Variants in SOX6 observed in about 807,000 individuals in gnomAD.
SOX6 encodes SRY-box transcription factor 6.
In SOX6, 11 loss-of-function variants were observed where a neutral mutation model predicts 97.8. The observed-to-expected ratio is 0.11, with a 90% CI of 0.07 to 0.19. The LOEUF (loss-of-function observed/expected upper bound fraction) is 0.19. Among genes scored for constraint, SOX6 ranks in the 10% least tolerant of loss-of-function variants. The pLI, the probability that SOX6 is intolerant of heterozygous loss-of-function variation, is 1.00. For missense variants in SOX6, 810 were observed against 1,039.5 expected (o/e 0.78, Z 3.04); for synonymous variants, 360 against 371.4 (o/e 0.97, Z 0.35).
At chr11:16,521,600 T>C (rs1282682536) in intron 4 of SOX6, among the ~76,000 whole-genome samples, 1 of 152,206 alleles carries the variant, frequency 6.6e-6, no homozygotes, top group East Asian at 1.9e-4. Flanking sequence ...GGAATGCAGT[T>C]CCTCACCAGC....
intron 3 of SOX6, among the ~76,000 whole-genome samples, chr11:16,625,700 A>G (rs1301763869): frequency 6.6e-6 from 1 of 152,220 alleles, no homozygotes; most frequent in Non-Finnish European, 1.5e-5. Flanking sequence ...ATGCCTATGT[A>G]GTGAAGCCTT....
At chr11:16,691,753 C>T (rs1848014952) in intron 3 of SOX6, among the ~76,000 whole-genome samples, 1 of 152,134 alleles carries the variant, frequency 6.6e-6, no homozygotes, top group African/African-American at 2.4e-5. Context: ...GCCAAGATTG[C>T]ACCACTGTAC....
intron 3 of SOX6, among the ~76,000 whole-genome samples, chr11:16,631,311 G>T (rs1848703757): frequency 6.6e-6 from 1 of 152,120 alleles, no homozygotes; most frequent in South Asian, 2.1e-4. Flanking sequence ...TAGCTTGTCT[G>T]GAAAATATTT....
chr11:16,053,926 T>C (rs57059428), intron 10 of SOX6, among the ~76,000 whole-genome samples: 7,593 of 152,180 alleles, frequency 0.05, 626 homozygotes, highest in African/African-American at 0.17. Flanking sequence ...AAATTTAAAA[T>C]GTTTGCTTTA....
intron 4 of SOX6, among the ~76,000 whole-genome samples, chr11:16,197,809 T>C (rs1335539893): frequency 4.6e-5 from 7 of 152,196 alleles, no homozygotes; most frequent in Non-Finnish European, 7.3e-5. Context: ...GGTCCAGAAA[T>C]GACCAAGAGT....
intron 1 of SOX6, among the ~76,000 whole-genome samples, chr11:16,382,766 A>G (rs531008013): frequency 6.6e-6 from 1 of 152,050 alleles, no homozygotes; most frequent in East Asian, 1.9e-4. Context: ...ATGGACCTAA[A>G]ATGAAGTTAG....
At chr11:16,064,519 C>T (rs965646278) in intron 9 of SOX6, among the ~76,000 whole-genome samples, 2 of 146,422 alleles carry the variant, frequency 1.4e-5, no homozygotes, top group African/African-American at 2.5e-5. Flanking sequence ...CAAAGCCATA[C>T]ATATATATAT....
intron 6 of SOX6, among the ~76,000 whole-genome samples, chr11:16,164,684 G>GT (rs1383303951): frequency 1.3e-5 from 2 of 152,018 alleles, no homozygotes; most frequent in African/African-American, 2.4e-5. Context: ...TTAGCCAGGG[G>GT]TAGTGGTGTG....
At chr11:16,606,993 C>T (rs1848341696) in intron 4 of SOX6, among the ~76,000 whole-genome samples, 1 of 152,108 alleles carries the variant, frequency 6.6e-6, no homozygotes, top group Non-Finnish European at 1.5e-5. Context: ...CCGCGTCGGC[C>T]CCTCGGAGCG....
chr11:16,359,810 G>T (rs1857163495), upstream of SOX6, among the ~76,000 whole-genome samples: 1 of 152,160 alleles, frequency 6.6e-6, no homozygotes, highest in East Asian at 1.9e-4. Flanking sequence ...AATGGCTAAT[G>T]GTACTGAGTG....
intron 6 of SOX6, among the ~76,000 whole-genome samples, chr11:16,152,454 C>G (rs1374804504): frequency 6.6e-6 from 1 of 152,154 alleles, no homozygotes; most frequent in Non-Finnish European, 1.5e-5. Flanking sequence ...TGGAATTTGA[C>G]ACTGGACTAT....
chr11:16,672,996 C>G (rs78679759), intron 3 of SOX6, among the ~76,000 whole-genome samples: 1,693 of 152,246 alleles, frequency 0.011, 24 homozygotes, highest in African/African-American at 0.039. Flanking sequence ...AATATATACA[C>G]AGCAGGCGGA....
rs546653477 is a variant in SOX6, at chr11:16,096,455, A to G, written c.979-337T>C. On this transcript the variant is annotated intron_variant, in intron 8 of 15. Transcript: ENST00000683767. Reference sequence around the variant, plus strand: ...AGTAGCGTGAAAGGTGAAGGTTTGCAAGAGAGGTGAGGTTGCTGCTCTTCT... The same window carrying G: ...AGTAGCGTGAAAGGTGAAGGTTTGCGAGAGAGGTGAGGTTGCTGCTCTTCT... 1.8e-4 allele frequency among the ~76,000 whole-genome samples: 27 copies of G among 151,916 alleles called. 1 individual carries two copies. In the South Asian group the frequency reaches 5.6e-3, roughly 32 times the overall value.
intron 1 of SOX6, among the ~76,000 whole-genome samples, chr11:16,441,316 T>C (rs1859498686): frequency 6.6e-6 from 1 of 152,224 alleles, no homozygotes; most frequent in Admixed American, 6.5e-5. Context: ...ATGCCCTTCC[T>C]TCTCAGTGCA....
At chr11:15,999,355 C>T (rs1208743429) in intron 13 of SOX6, among the ~76,000 whole-genome samples, 1 of 151,902 alleles carries the variant, frequency 6.6e-6, no homozygotes, top group Non-Finnish European at 1.5e-5. Flanking sequence ...TACTTATGAC[C>T]CAGCAAACAA....
At chr11:16,593,471 GC>G (rs1395732089) in intron 4 of SOX6, among the ~76,000 whole-genome samples, 4 of 151,778 alleles carry the variant, frequency 2.6e-5, no homozygotes, top group African/African-American at 7.3e-5. Context: ...AGTTATTCCT[GC>G]TTATATAAAC....
chr11:16,520,324 G>T (rs1035411125), intron 4 of SOX6, among the ~76,000 whole-genome samples: 1 of 152,152 alleles, frequency 6.6e-6, no homozygotes, highest in African/African-American at 2.4e-5. Flanking sequence ...AATTTTTATA[G>T]ATTCAGGTCT....
chr11:16,380,505 A>G (rs185719019), intron 1 of SOX6, among the ~76,000 whole-genome samples: 1 of 152,228 alleles, frequency 6.6e-6, no homozygotes, highest in African/African-American at 2.4e-5. Flanking sequence ...TTTTATCTAA[A>G]TCCATTCTAC....
At chr11:16,203,887 A>C (rs1320622713) in intron 4 of SOX6, among the ~76,000 whole-genome samples, 1 of 152,124 alleles carries the variant, frequency 6.6e-6, no homozygotes, top group East Asian at 1.9e-4. Context: ...CCAAGATAAA[A>C]ATACAAAGTA....
Sources: allele counts gnomAD v4.1 joint callset (sites outside exome capture counted in the v4.1 genomes callset), GRCh38; gene constraint gnomAD v4.1.1; transcripts MANE v1.5; gene names NCBI Gene and HGNC (gene_info 2026-07-23, HGNC 2026-07-21).